The following PREX2 variants were observed in gnomAD, a reference collection of about 807,000 sequenced individuals.
PREX2 encodes the protein phosphatidylinositol 3,4,5-trisphosphate-dependent Rac exchanger 2 protein.
Under a neutral mutation model 203.2 loss-of-function variants are expected in PREX2, and 107 were observed. The ratio of observed to expected loss-of-function variants is 0.53; its 90% confidence interval spans 0.45 to 0.62. PREX2 has a LOEUF of 0.62. Ranked by LOEUF, PREX2 falls within the 20% of genes least tolerant of loss-of-function variation. The probability of loss-of-function intolerance (pLI) is 0.00; values close to 1 mark genes in which losing one functional copy is unlikely to be tolerated. For missense variants in PREX2, 1,777 were observed against 1,955.9 expected (o/e 0.91, Z 1.72); for synonymous variants, 672 against 663.6 (o/e 1.01, Z -0.19).
At chr8:68,215,453 C>G (rs1013355086) in intron 37 of PREX2, among the ~76,000 whole-genome samples, 3 of 151,968 alleles carry the variant, frequency 2.0e-5, no homozygotes, top group African/African-American at 7.3e-5. Flanking sequence ...GATTTAAAAT[C>G]GCAGTGGAGG....
At chr8:67,996,545 T>C (rs1174197303) in intron 1 of PREX2, among the ~76,000 whole-genome samples, 3 of 152,180 alleles carry the variant, frequency 2.0e-5, no homozygotes, top group African/African-American at 7.2e-5. Flanking sequence ...AAGGGCCTTT[T>C]GTCAGGTGTA....
intron 25 of PREX2, chr8:68,111,025 C>A: frequency 2.7e-6 from 1 of 369,878 alleles, no homozygotes; most frequent in Non-Finnish European, 5.3e-6. Context: ...ATCCTTGTGA[C>A]AGCAGTTTAT....
chr8:67,972,286 G>A (rs1805948106), intron 1 of PREX2, among the ~76,000 whole-genome samples: 1 of 152,158 alleles, frequency 6.6e-6, no homozygotes, highest in Admixed American at 6.5e-5. Context: ...TATGAGTAAG[G>A]AACAAAAGTG....
chr8:68,024,933 TG>T (rs1206504307), intron 4 of PREX2, among the ~76,000 whole-genome samples: 1 of 152,034 alleles, frequency 6.6e-6, no homozygotes, highest in African/African-American at 2.4e-5. Context: ...TGAGTAGAAA[TG>T]GAAAATGTTC....
chr8:68,230,718 T>G (rs1005532564), intron 39 of PREX2, among the ~76,000 whole-genome samples: 3 of 152,170 alleles, frequency 2.0e-5, no homozygotes, highest in African/African-American at 4.8e-5. Context: ...ATGGTTTAAG[T>G]GGATCCTTGA....
In PREX2 at chr8:68,224,598, A is replaced by C. The variant is rs1207189403; in HGVS notation, c.4747A>C (p.Arg1583=). Residue 1583 remains arginine (R), a synonymous_variant, in exon 39 of 40, where the codon AGA becomes CGA. Coordinates refer to ENST00000288368, the MANE Select transcript of PREX2 (RefSeq NM_024870.4). The part of the protein sequence containing the change: ...VQNTAKNLGV[R]DRTPQSAPRL... Reference sequence around the variant, plus strand: ...GAACACAGCGAAGAATTTGGGAGTCAGAGACCGGACTCCACAGTCTGCACC... The same window carrying C: ...GAACACAGCGAAGAATTTGGGAGTCCGAGACCGGACTCCACAGTCTGCACC... 2 of 1,613,744 alleles carry C rather than the reference A, an allele frequency of 1.2e-6. No individual in the cohort carries two copies. The highest frequency in any genetic ancestry group is 1.6e-4 in the Middle Eastern group (1 of 6,062).
intron 35 of PREX2, among the ~76,000 whole-genome samples, chr8:68,170,694 A>G (rs1295845002): frequency 6.6e-6 from 1 of 152,218 alleles, no homozygotes; most frequent in Non-Finnish European, 1.5e-5. Context: ...GAAGAAATTC[A>G]GGGGATGGGG....
chr8:68,110,416 T>A (rs1207523701), intron 25 of PREX2, among the ~76,000 whole-genome samples: 13 of 152,214 alleles, frequency 8.5e-5, no homozygotes, highest in Non-Finnish European at 1.8e-4. Flanking sequence ...ATGAAAATTA[T>A]ACAAATTAAT....
chr8:68,029,371 T>C (rs13261936), intron 5 of PREX2, among the ~76,000 whole-genome samples: 1 of 152,118 alleles, frequency 6.6e-6, no homozygotes, highest in Non-Finnish European at 1.5e-5. Context: ...GTGCCTCTAC[T>C]CTTTAGAGTT....
At chr8:68,092,073 G>C (rs1487559263) in intron 20 of PREX2, among the ~76,000 whole-genome samples, 1 of 152,142 alleles carries the variant, frequency 6.6e-6, no homozygotes, top group Non-Finnish European at 1.5e-5. Context: ...CGTGGCCTCT[G>C]TTTCCATGTG....
chr8:68,058,432 T>G (rs1212767748), intron 10 of PREX2, among the ~76,000 whole-genome samples: 2 of 140,864 alleles, frequency 1.4e-5, no homozygotes, highest in African/African-American at 6.2e-5. Flanking sequence ...ACTATGACAT[T>G]GACATTCTTT....
chr8:68,127,228 TG>T (rs1331267305), intron 30 of PREX2, 149 bp from the exon 31 acceptor site: 1 of 546,592 alleles, frequency 1.8e-6, no homozygotes, highest in Non-Finnish European at 3.3e-6. Context: ...TTGCTGTTTT[TG>T]CCATCCATTG....
In PREX2 at chr8:68,157,842, A is replaced by G. The variant is rs868402129; in HGVS notation, c.4346+406A>G. ...CACACAGAGAGAAGAATATGTGTTC[A>G]GCATGGAAGATATGATTGATCATGT... On this transcript the variant is annotated intron_variant, in intron 35 of 39. Transcript: ENST00000288368. Among the ~76,000 whole-genome samples the G allele has an allele frequency of 4.6e-5, 7 of 152,190 alleles. No homozygotes were observed. The South Asian group carries it at 1.0e-3, about 23-fold the overall frequency.
chr8:67,959,003 T>C (rs1805560747), intron 1 of PREX2, among the ~76,000 whole-genome samples: 1 of 152,198 alleles, frequency 6.6e-6, no homozygotes. Context: ...AATTAACTAA[T>C]CATGTATTTT....
Position 68,053,260 on chromosome 8 carries a change from T to C in PREX2, c.1093+14T>C, listed in dbSNP as rs200070207. Reference sequence around the variant, plus strand: ...AACGGCGGAAAGGTGGGTGTATGAATTGGGCGCTGTTACACTTTGTGAAGA... The same window carrying C: ...AACGGCGGAAAGGTGGGTGTATGAACTGGGCGCTGTTACACTTTGTGAAGA... On this transcript the variant is annotated intron_variant, in intron 9 of 39. Coordinates refer to ENST00000288368, the MANE Select transcript of PREX2 (RefSeq NM_024870.4). 1.7e-4 allele frequency: 277 copies of C among 1,612,790 alleles called. No individual in the cohort carries two copies. In the African/African-American group the frequency reaches 3.4e-3, roughly 20 times the overall value.
intron 37 of PREX2, among the ~76,000 whole-genome samples, chr8:68,209,824 T>C (rs763461423): frequency 4.6e-5 from 7 of 152,214 alleles, no homozygotes; most frequent in Non-Finnish European, 1.0e-4. Flanking sequence ...TAGTACACGC[T>C]TTCTACAGCT....
rs370009693 is a variant in PREX2 at position 68,044,589 on chromosome 8, C to T, written c.942C>T (p.Thr314=). The change falls in exon 8 of 40, where the codon ACC becomes ACT. Residue 314 remains threonine, a splice_region_variant and synonymous_variant. Coordinates refer to ENST00000288368, the MANE Select transcript of PREX2 (RefSeq NM_024870.4). The part of the protein sequence containing the change: ...VMEVENVDDG[T]ADFHSSGHIV... The stretch of plus-strand genomic sequence containing the variant: ...AAGTGGAGAATGTGGATGATGGCAC[C>T]GGTAAGTGATTTGTAGATTTTAAAT... 4.7e-5 allele frequency: 75 copies of T among 1,606,078 alleles called. No individual in the cohort carries two copies. The highest frequency in any genetic ancestry group is 1.7e-4 in the Middle Eastern group (1 of 6,050).
chr8:68,157,309 C>A lies in PREX2; in HGVS notation c.4232-13C>A. On this transcript the variant is annotated splice_polypyrimidine_tract_variant and intron_variant, in intron 34 of 39. Transcript: ENST00000288368. The stretch of plus-strand genomic sequence containing the variant: ...TAAAGTTGCTTGTAAAATATGTTTA[C>A]TTGTTTACACAGCACTAGAGAGCAT... 1 of 1,410,930 alleles carries A rather than the reference C, an allele frequency of 7.1e-7. No individual in the cohort carries two copies. Among genetic ancestry groups the A allele is most frequent in the Non-Finnish European group, 9.9e-7 (1 of 1,005,316 alleles). The allele number at this position is 1,410,930 out of a possible 1,614,324, so 87.4% of individuals were successfully genotyped here.
chr8:67,958,713 C>CT (rs1413820587), intron 1 of PREX2, among the ~76,000 whole-genome samples: 2 of 152,046 alleles, frequency 1.3e-5, no homozygotes, highest in Non-Finnish European at 2.9e-5. Flanking sequence ...ACTATGAGGG[C>CT]TTTTTTGGGT....
Sources: gnomAD v4.1 joint callset for allele counts (sites outside exome capture counted in the v4.1 genomes callset) on GRCh38, gnomAD v4.1.1 for gene constraint, MANE v1.5 for transcripts, NCBI Gene and HGNC (gene_info 2026-07-23, HGNC 2026-07-21) for gene names.